The following CCDC149 variants were observed in gnomAD, a reference collection of about 807,000 sequenced individuals.
The protein encoded by CCDC149 is coiled-coil domain containing 149.
Under a neutral mutation model 59.9 loss-of-function variants are expected in CCDC149, and 45 were observed. The ratio of observed to expected loss-of-function variants is 0.75; its 90% CI spans 0.59 to 0.96. CCDC149 has a LOEUF of 0.96. CCDC149 is among the 40% of genes least tolerant of loss of function. The pLI is 0.00. For synonymous variants in CCDC149, 245 were observed against 260.6 expected (o/e 0.94, Z 0.58); for missense variants, 584 against 664.7 (o/e 0.88, Z 1.33).
At chr4:24,909,718 A>G (rs1721764416) in intron 1 of CCDC149, among the ~76,000 whole-genome samples, 1 of 152,162 alleles carries the variant, frequency 6.6e-6, no homozygotes, top group Admixed American at 6.5e-5. Flanking sequence ...GTGATAGTGA[A>G]TAAGTCTCAC....
chr4:24,837,167 C>A lies in CCDC149; in HGVS notation c.662+61G>T. The A allele has an allele frequency of 1.3e-6, 2 of 1,489,220 alleles. No individual in the cohort carries two copies. Among genetic ancestry groups the A allele is most frequent in the Non-Finnish European group, 1.8e-6 (2 of 1,095,072 alleles). The allele number at this position is 1,489,220 out of a possible 1,614,324, so 92.3% of individuals were successfully genotyped here. A position where few individuals can be genotyped will look rare whatever the true frequency, so the allele number is the denominator to read the frequency against. On this transcript the variant is annotated intron_variant, in intron 6 of 12. Coordinates refer to ENST00000635206, the MANE Select transcript of CCDC149 (RefSeq NM_001330643.2). The surrounding 1 kb of genome is among the most constrained non-coding windows in gnomAD (Gnocchi z 4.3). Reference sequence around the variant, plus strand: ...AAATAGGGCTGCAAATAACTCCCAGCCTGCAGGCCTGTGCAGAGCCAGCCT... The same window carrying A: ...AAATAGGGCTGCAAATAACTCCCAGACTGCAGGCCTGTGCAGAGCCAGCCT...
intron 1 of CCDC149, among the ~76,000 whole-genome samples, chr4:24,946,273 C>T (rs1723107246): frequency 6.6e-6 from 1 of 152,192 alleles, no homozygotes; most frequent in Admixed American, 6.5e-5. Flanking sequence ...GGCCAGTTCT[C>T]CAGCCTCCTT....
At position 24,897,311 on chromosome 4, in the gene CCDC149, G is replaced by A. The variant is rs537027395; in HGVS notation, c.63+15506C>T. On this transcript the variant is annotated intron_variant, in intron 1 of 12. Coordinates refer to ENST00000635206, the MANE Select transcript of CCDC149 (RefSeq NM_001330643.2). ...AAGTGGTTGTTTTCCAGGAGTGCAGGATGTGTGAAAAGGAGAAAGTCAAAA... is the reference window on the plus strand; with the variant it reads ...AAGTGGTTGTTTTCCAGGAGTGCAGAATGTGTGAAAAGGAGAAAGTCAAAA... 9.8e-5 allele frequency among the ~76,000 whole-genome samples: 15 copies of A among 152,326 alleles called. No individual in the cohort carries two copies. In the South Asian group the frequency reaches 3.1e-3, roughly 32 times the overall value.
At chr4:24,877,311 A>C (rs1719527157) in intron 1 of CCDC149, among the ~76,000 whole-genome samples, 1 of 152,006 alleles carries the variant, frequency 6.6e-6, no homozygotes, top group Non-Finnish European at 1.5e-5. Flanking sequence ...TTAGCTTCCC[A>C]AGTAGCTGGG....
At chr4:24,905,475 G>A (rs1210511407) in intron 1 of CCDC149, among the ~76,000 whole-genome samples, 3 of 148,460 alleles carry the variant, frequency 2.0e-5, no homozygotes, top group Admixed American at 6.8e-5. Flanking sequence ...TGCTTTTGTT[G>A]CCCAGGCTGG....
intron 4 of CCDC149, among the ~76,000 whole-genome samples, chr4:24,839,061 C>CAGAG (rs72068303): frequency 8.7e-6 from 1 of 115,326 alleles, no homozygotes; most frequent in African/African-American, 3.6e-5. Flanking sequence ...CACACACACA[C>CAGAG]AGAGAGAGAG....
chr4:24,846,860 T>G (rs542462281), intron 4 of CCDC149, among the ~76,000 whole-genome samples: 1 of 152,340 alleles, frequency 6.6e-6, no homozygotes, highest in East Asian at 1.9e-4. Flanking sequence ...TTTGAATACA[T>G]CGCACTGTAT....
intron 3 of CCDC149, among the ~76,000 whole-genome samples, chr4:24,872,167 C>T (rs1164293854): frequency 6.6e-6 from 1 of 152,152 alleles, no homozygotes; most frequent in Non-Finnish European, 1.5e-5. Flanking sequence ...AGGAACAGAA[C>T]AGAGAGTTAA....
chr4:24,956,757 G>A (rs1361562869), intron 1 of CCDC149, among the ~76,000 whole-genome samples: 1 of 152,236 alleles, frequency 6.6e-6, no homozygotes, highest in African/African-American at 2.4e-5. Context: ...TAAATTTATT[G>A]TATTTTGAAT....
At chr4:24,817,066 T>C (rs1035735178) in intron 12 of CCDC149, among the ~76,000 whole-genome samples, 8 of 152,114 alleles carry the variant, frequency 5.3e-5, no homozygotes, top group Non-Finnish European at 1.2e-4. Flanking sequence ...GTAGGAACAA[T>C]GAGAGCTAAT....
At position 24,806,815 on chromosome 4, in the gene CCDC149, A is replaced by G. The variant is rs1165733812; in HGVS notation, c.*1574T>C. The G allele has an allele frequency of 6.5e-6, 1 of 153,428 alleles. No homozygotes were observed. The highest frequency in any genetic ancestry group is 2.4e-5 in the African/African-American group (1 of 41,462). 9.5% of individuals were successfully genotyped at this position (153,428 alleles called of 1,614,324 possible). A position where few individuals can be genotyped will look rare whatever the true frequency, so the allele number is the denominator to read the frequency against. On this transcript the variant is annotated 3_prime_UTR_variant, in exon 13 of 13. Coordinates refer to ENST00000635206, the MANE Select transcript of CCDC149 (RefSeq NM_001330643.2). ...AGAACGCCGACTCCAGCATGCTCCC[A>G]TTTCAACTAAAGTAGTGGGAGACCC...
intron 9 of CCDC149, among the ~76,000 whole-genome samples, chr4:24,825,751 C>T (rs1242599020): frequency 5.3e-5 from 8 of 149,676 alleles, no homozygotes; most frequent in East Asian, 2.0e-4. Context: ...CCGACCTGGG[C>T]GACAGAGCAA....
At chr4:24,894,861 C>T in intron 1 of CCDC149, 2 of 1,192,924 alleles carry the variant, frequency 1.7e-6, no homozygotes, top group Admixed American at 2.4e-5. Flanking sequence ...GCTGACACCC[C>T]TGCAGCCTGT....
intron 1 of CCDC149, among the ~76,000 whole-genome samples, chr4:24,899,343 T>C (rs1228506650): frequency 6.6e-6 from 1 of 151,958 alleles, no homozygotes; most frequent in Non-Finnish European, 1.5e-5. Flanking sequence ...GATAGGAAAG[T>C]GTATACAGAA....
rs142446976 is a variant in CCDC149 at position 24,937,533 on chromosome 4, G to A, written c.-64-42415C>T. Among the ~76,000 whole-genome samples the A allele has an allele frequency of 1.2e-4, 18 of 152,340 alleles. No individual in the cohort carries two copies. In the East Asian group the frequency reaches 3.5e-3, roughly 29 times the overall value. ...CAAAGGCCTAGCTAAAAAAGATTTG[G>A]TTTTTGCTTAGTCTTTGTAGTTAAG... On this transcript the variant is annotated intron_variant, in intron 1 of 12. Transcript: ENST00000389609.
chr4:24,877,509 A>T (rs1404793082), intron 1 of CCDC149, among the ~76,000 whole-genome samples: 1 of 152,110 alleles, frequency 6.6e-6, no homozygotes, highest in East Asian at 1.9e-4. Flanking sequence ...GTAAAAAAAA[A>T]ATGCCCAAAA....
rs569435020 is a variant in CCDC149 at position 24,971,440 on chromosome 4, C to T, written c.-65+8629G>A. Among the ~76,000 whole-genome samples, 25 of 152,358 alleles carry T rather than the reference C, an allele frequency of 1.6e-4. No homozygotes were observed. The South Asian group carries it at 4.1e-3, about 25-fold the overall frequency. On this transcript the variant is annotated intron_variant, in intron 1 of 12. Coordinates refer to the CCDC149 transcript ENST00000389609. ...AGCATGATTCAGCAGGTTAGGAGTG[C>T]AGGTGCACAACCCTGCACATTATGC...
At chr4:24,854,318 A>G (rs1717865095) in intron 3 of CCDC149, among the ~76,000 whole-genome samples, 1 of 152,176 alleles carries the variant, frequency 6.6e-6, no homozygotes, top group South Asian at 2.1e-4. Flanking sequence ...ACTGCAAACT[A>G]CTGAAAGGCA....
At chr4:24,871,838 T>A (rs1438240660) in intron 3 of CCDC149, among the ~76,000 whole-genome samples, 1 of 152,220 alleles carries the variant, frequency 6.6e-6, no homozygotes, top group Non-Finnish European at 1.5e-5. Flanking sequence ...CTGGAATTCA[T>A]CAGATTCTCC....
Sources: allele counts gnomAD v4.1 joint callset (sites outside exome capture counted in the v4.1 genomes callset), GRCh38; gene constraint gnomAD v4.1.1; non-coding constraint Gnocchi (gnomAD v3.1); transcripts MANE v1.5; gene names NCBI Gene and HGNC (gene_info 2026-07-23, HGNC 2026-07-21).